PTPN4: variants seen among roughly 807,000 people sequenced by gnomAD.
PTPN4 encodes protein tyrosine phosphatase non-receptor type 4.
In PTPN4, 49 loss-of-function variants were observed where a neutral mutation model predicts 135.5. The ratio of observed to expected loss-of-function variants is 0.36; its 90% CI spans 0.29 to 0.46. The LOEUF (loss-of-function observed/expected upper bound fraction) is 0.46. PTPN4 is among the 20% of genes least tolerant of loss of function. The pLI is 1.00. For missense variants in PTPN4, 860 were observed against 1,101.0 expected (o/e 0.78, Z 3.10); for synonymous variants, 333 against 369.9 (o/e 0.90, Z 1.14).
intron 24 of PTPN4, among the ~76,000 whole-genome samples, chr2:119,964,278 G>T (rs1246009934): frequency 6.6e-6 from 1 of 152,068 alleles, no homozygotes; most frequent in Non-Finnish European, 1.5e-5. Flanking sequence ...TCATTTTTCA[G>T]TTGAAGGAAA....
intron 10 of PTPN4, among the ~76,000 whole-genome samples, chr2:119,910,887 T>C (rs1240249718): frequency 6.6e-6 from 1 of 152,112 alleles, no homozygotes; most frequent in Non-Finnish European, 1.5e-5. Context: ...TTATTAGCAG[T>C]GTGAGAATGG....
intron 3 of PTPN4, among the ~76,000 whole-genome samples, chr2:119,867,024 G>A (rs1677843178): frequency 6.6e-6 from 1 of 152,068 alleles, no homozygotes; most frequent in Non-Finnish European, 1.5e-5. Flanking sequence ...GAAAGAAGCA[G>A]GAGCATATGC....
intron 1 of PTPN4, among the ~76,000 whole-genome samples, chr2:119,767,828 G>C (rs531307852): frequency 6.6e-6 from 1 of 152,194 alleles, no homozygotes; most frequent in African/African-American, 2.4e-5. Context: ...TGCTACTAGC[G>C]ATGTTTAACT....
At chr2:119,971,249 A>C (rs1298858571) in intron 26 of PTPN4, among the ~76,000 whole-genome samples, 1 of 152,192 alleles carries the variant, frequency 6.6e-6, no homozygotes, top group East Asian at 1.9e-4. Context: ...AGAAAGAAGC[A>C]GGAGGTGCTG....
chr2:119,813,739 C>A (rs929970434), intron 2 of PTPN4, among the ~76,000 whole-genome samples: 1 of 152,138 alleles, frequency 6.6e-6, no homozygotes, highest in Non-Finnish European at 1.5e-5. Flanking sequence ...CATGTGGGAT[C>A]AGAAATGTTG....
chr2:119,858,988 T>G (rs1677721281), intron 2 of PTPN4, among the ~76,000 whole-genome samples: 1 of 152,152 alleles, frequency 6.6e-6, no homozygotes, highest in Non-Finnish European at 1.5e-5. Context: ...TCAGGTTCAT[T>G]GATTATTTTT....
intron 26 of PTPN4, 110 bp downstream of exon 26, chr2:119,968,082 C>G (rs1056814296): frequency 2.2e-5 from 21 of 966,452 alleles, no homozygotes; most frequent in Admixed American, 5.7e-5. Flanking sequence ...CAATTCCTTG[C>G]CATGGTCAAA....
rs560551777 is a variant in PTPN4, at chr2:119,981,937, T to C, written c.*4867T>C. 3.3e-5 allele frequency: 5 copies of C among 152,300 alleles called. No homozygotes were observed. Among genetic ancestry groups the C allele is most frequent in the African/African-American group, 1.2e-4 (5 of 41,582 alleles). The allele number at this position is 152,300 out of a possible 1,614,324, so 9.4% of individuals were successfully genotyped here. A position where few individuals can be genotyped will look rare whatever the true frequency, so the allele number is the denominator to read the frequency against. On this transcript the variant is annotated 3_prime_UTR_variant, in exon 27 of 27. Transcript: ENST00000263708. The stretch of plus-strand genomic sequence containing the variant: ...GTTATAATCATAATTTTTATTTTAG[T>C]AATCCAAGCTAAATGGGCAACCAGA...
At chr2:119,844,321 A>ACGGGGCGGCTGGCCGGG (rs1427434249) in intron 2 of PTPN4, among the ~76,000 whole-genome samples, 6 of 108,092 alleles carry the variant, frequency 5.6e-5, no homozygotes, top group Non-Finnish European at 1.1e-4. Flanking sequence ...GGCTGGCCGG[A>ACGGGGCGGCTGGCCGGG]CGGGGCGGCT....
In PTPN4 at chr2:119,976,843, T is replaced by TG. The variant is rs1353422092; in HGVS notation, c.2695-140dup. ...TTTTTTAACCAGTCTAGACTGTTAG[T>TG]GAAAAATGGTATCTTTATGCAGTTT... On this transcript the variant is annotated intron_variant, in intron 26 of 26. Coordinates refer to ENST00000263708, the MANE Select transcript of PTPN4 (RefSeq NM_002830.4). 3.2e-5 allele frequency: 45 copies of TG among 1,420,088 alleles called. No homozygotes were observed. The African/African-American group carries it at 6.0e-4, about 19-fold the overall frequency. 88.0% of individuals were successfully genotyped at this position (1,420,088 alleles called of 1,614,324 possible).
chr2:119,775,191 C>T (rs2104923765), intron 1 of PTPN4, among the ~76,000 whole-genome samples: 1 of 146,548 alleles, frequency 6.8e-6, no homozygotes, highest in South Asian at 2.2e-4. Flanking sequence ...AAAAGATAGG[C>T]TAACTCCACT....
At chr2:119,881,572 C>G (rs531907141) in intron 5 of PTPN4, among the ~76,000 whole-genome samples, 1 of 152,000 alleles carries the variant, frequency 6.6e-6, no homozygotes, top group Non-Finnish European at 1.5e-5. Flanking sequence ...ACAAGACATT[C>G]GAAATACAAA....
At chr2:119,952,643 ATAGT>A (rs1257373190) in intron 19 of PTPN4, among the ~76,000 whole-genome samples, 2 of 152,212 alleles carry the variant, frequency 1.3e-5, no homozygotes, top group Non-Finnish European at 2.9e-5. Flanking sequence ...ATAACAAGCT[ATAGT>A]TAAAGTGTTT....
At chr2:119,923,321 A>G (rs1323547615) in intron 12 of PTPN4, among the ~76,000 whole-genome samples, 2 of 152,218 alleles carry the variant, frequency 1.3e-5, no homozygotes, top group African/African-American at 4.8e-5. Flanking sequence ...TTACAGGACT[A>G]TGATCAGGCC....
rs747764494 is a variant in PTPN4 at position 119,957,051 on chromosome 2, G to GACT, written c.2110_2112dup (p.Tyr704dup). On this transcript the variant is annotated inframe_insertion, in exon 22 of 27. Coordinates refer to ENST00000263708, the MANE Select transcript of PTPN4 (RefSeq NM_002830.4). ...ACGGGTCATTTTAAAAGGTAATGAA[G>GACT]ACTACATCAATGCGAACTATATAAA... 2.5e-6 allele frequency: 4 copies of GACT among 1,609,988 alleles called. No individual in the cohort carries two copies.
chr2:119,797,040 C>T (rs1221677006), intron 1 of PTPN4, among the ~76,000 whole-genome samples: 1 of 151,842 alleles, frequency 6.6e-6, no homozygotes, highest in Non-Finnish European at 1.5e-5. Flanking sequence ...ACATCTTTCG[C>T]CTTGTTTTTT....
chr2:119,777,071 G>A (rs1690849944), intron 1 of PTPN4, among the ~76,000 whole-genome samples: 1 of 152,116 alleles, frequency 6.6e-6, no homozygotes, highest in Non-Finnish European at 1.5e-5. Flanking sequence ...AGCCCTACAT[G>A]GTCTGTGGAC....
At chr2:119,943,493 G>T (rs1341084334) in intron 15 of PTPN4, among the ~76,000 whole-genome samples, 1 of 151,690 alleles carries the variant, frequency 6.6e-6, no homozygotes, top group African/African-American at 2.4e-5. Context: ...GTCCCAGACT[G>T]GTAGCATTCC....
intron 1 of PTPN4, among the ~76,000 whole-genome samples, chr2:119,797,362 G>A (rs563551568): frequency 1.3e-5 from 2 of 152,224 alleles, no homozygotes; most frequent in East Asian, 3.9e-4. Flanking sequence ...CAGTGTCTTG[G>A]TTTTGCTAGC....
Sources: gnomAD v4.1 joint callset for allele counts (sites outside exome capture counted in the v4.1 genomes callset) on GRCh38, gnomAD v4.1.1 for gene constraint, MANE v1.5 for transcripts, NCBI Gene and HGNC (gene_info 2026-07-23, HGNC 2026-07-21) for gene names.